The following UGGT2 variants were observed in gnomAD, a reference collection of about 807,000 sequenced individuals.
The protein encoded by UGGT2 is UDP-glucose glycoprotein glucosyltransferase 2.
UGGT2 carries 180 observed loss-of-function variants against 192.1 expected under a neutral mutation model. The ratio of observed to expected loss-of-function variants is 0.94; its 90% CI spans 0.83 to 1.06. UGGT2 has a LOEUF of 1.06. Ranked by LOEUF, UGGT2 falls within the 50% of genes least tolerant of loss-of-function variation. The pLI is 0.00. For missense variants in UGGT2, 1,849 were observed against 1,795.7 expected (o/e 1.03, Z -0.54); for synonymous variants, 580 against 591.0 (o/e 0.98, Z 0.27).
rs1934817244 is a variant in UGGT2, at chr13:95,902,845, G to C, written c.2502+9C>G. On this transcript the variant is annotated intron_variant, in intron 21 of 38. Transcript: ENST00000376747. Reference sequence around the variant, plus strand: ...ACATACATATTTAATATTTCAAATAGCTACTGACCTCAATAAGGAATGTTT... The same window carrying C: ...ACATACATATTTAATATTTCAAATACCTACTGACCTCAATAAGGAATGTTT... 3 of 1,606,876 alleles carry C rather than the reference G, an allele frequency of 1.9e-6. No homozygotes were observed. Among genetic ancestry groups the C allele is most frequent in the Non-Finnish European group, 2.6e-6 (3 of 1,176,416 alleles).
chr13:95,927,944 T>C (rs1156628567), intron 17 of UGGT2, among the ~76,000 whole-genome samples: 1 of 152,200 alleles, frequency 6.6e-6, no homozygotes, highest in East Asian at 1.9e-4. Flanking sequence ...TAACCCTTAG[T>C]GGACACAGCA....
intron 22 of UGGT2, among the ~76,000 whole-genome samples, chr13:95,897,311 A>G (rs1424485780): frequency 1.3e-5 from 2 of 152,186 alleles, no homozygotes; most frequent in Middle Eastern, 3.4e-3. Flanking sequence ...AACAAAAAAA[A>G]GACCCTGCTT....
chr13:96,048,963 T>C lies in UGGT2; in HGVS notation c.158+4192A>G, dbSNP rs981728598. 2.2e-5 allele frequency among the ~76,000 whole-genome samples: 3 copies of C among 135,616 alleles called. No homozygotes were observed. The South Asian group carries it at 6.4e-4, about 29-fold the overall frequency. 89.0% of individuals were successfully genotyped at this position (135,616 alleles called of 152,430 possible). A position where few individuals can be genotyped will look rare whatever the true frequency, so the allele number is the denominator to read the frequency against. On this transcript the variant is annotated intron_variant, in intron 1 of 38. Transcript: ENST00000376747. ...TTCCAATTGATACAAAAAAAGGGAATCCTCCCTAACTCATTTTATAAGGCC... is the reference window on the plus strand; with the variant it reads ...TTCCAATTGATACAAAAAAAGGGAACCCTCCCTAACTCATTTTATAAGGCC...
chr13:95,834,554 A>G (rs1887080606), intron 37 of UGGT2, among the ~76,000 whole-genome samples: 1 of 152,120 alleles, frequency 6.6e-6, no homozygotes, highest in African/African-American at 2.4e-5. Flanking sequence ...ATTATTAGTC[A>G]TGCTCTTTTC....
At chr13:95,951,041 C>A (rs1196261516) in intron 12 of UGGT2, among the ~76,000 whole-genome samples, 1 of 152,040 alleles carries the variant, frequency 6.6e-6, no homozygotes. Context: ...TTCAGATAAT[C>A]CAGGTATGAG....
At chr13:95,802,681 G>A (rs746244760) in intron 38 of UGGT2, among the ~76,000 whole-genome samples, 3 of 152,192 alleles carry the variant, frequency 2.0e-5, no homozygotes, top group Non-Finnish European at 4.4e-5. Flanking sequence ...AACGCCAGTG[G>A]ACAGTGAGTC....
At chr13:95,820,840 T>C (rs1358207735) in intron 38 of UGGT2, among the ~76,000 whole-genome samples, 1 of 152,128 alleles carries the variant, frequency 6.6e-6, no homozygotes, top group Non-Finnish European at 1.5e-5. Context: ...CACTTATAAA[T>C]GAGAACATAC....
chr13:95,845,345 C>T (rs1243321688), intron 36 of UGGT2, among the ~76,000 whole-genome samples: 2 of 114,398 alleles, frequency 1.7e-5, no homozygotes, highest in African/African-American at 6.0e-5. Flanking sequence ...TGTTTGTGTC[C>T]CTGGGTACTT....
intron 24 of UGGT2, among the ~76,000 whole-genome samples, chr13:95,893,623 G>A (rs904876749): frequency 3.9e-5 from 6 of 152,182 alleles, no homozygotes; most frequent in African/African-American, 7.2e-5. Context: ...AAATTTAACC[G>A]TATTTATATT....
At chr13:95,929,689 CACT>C (rs1349290403) in intron 17 of UGGT2, among the ~76,000 whole-genome samples, 11 of 152,216 alleles carry the variant, frequency 7.2e-5, no homozygotes, top group Non-Finnish European at 1.3e-4. Flanking sequence ...ACCAATCCAC[CACT>C]GATGGACACC....
intron 21 of UGGT2, among the ~76,000 whole-genome samples, chr13:95,901,917 T>C (rs1566662346): frequency 6.6e-6 from 1 of 152,124 alleles, no homozygotes; most frequent in African/African-American, 2.4e-5. Context: ...ATTTATTCAC[T>C]GTCTATCATC....
chr13:95,848,591 A>G (rs1360297170), intron 36 of UGGT2, among the ~76,000 whole-genome samples: 1 of 152,084 alleles, frequency 6.6e-6, no homozygotes, highest in African/African-American at 2.4e-5. Flanking sequence ...TTGGGTGACT[A>G]TATTTATGTG....
intron 12 of UGGT2, among the ~76,000 whole-genome samples, chr13:95,951,544 C>CA (rs1329383731): frequency 6.6e-6 from 1 of 152,206 alleles, no homozygotes; most frequent in African/African-American, 2.4e-5. Flanking sequence ...ACAGAGCCTT[C>CA]AAGCAGTGCC....
chr13:95,846,987 G>T, intron 36 of UGGT2, among the ~76,000 whole-genome samples: 1 of 146,622 alleles, frequency 6.8e-6, no homozygotes, highest in African/African-American at 2.5e-5. Context: ...CGGTTTTGTT[G>T]ATTTTCTCAA....
rs1891785210 is a variant in UGGT2, at chr13:95,877,271, T to C, written c.3473+8A>G. 1 of 1,581,164 alleles carries C rather than the reference T, an allele frequency of 6.3e-7. No individual in the cohort carries two copies. The highest frequency in any genetic ancestry group is 1.4e-5 in the African/African-American group (1 of 73,118). On this transcript the variant is annotated splice_region_variant and intron_variant, in intron 29 of 38. Transcript: ENST00000376747. ...TGTAAAAATTTAAAAGCAGCCTGCATAACTCACCCAACTATTTGATAAATA... is the reference window on the plus strand; with the variant it reads ...TGTAAAAATTTAAAAGCAGCCTGCACAACTCACCCAACTATTTGATAAATA...
In UGGT2 at chr13:96,013,424, T is replaced by C. The variant is rs764278616; in HGVS notation, c.543A>G (p.Leu181=). ...DHKFPTNKEN[L]PVVILYAEMG... Reference sequence around the variant, plus strand: ...TTTCGGCATAGAGAATCACCACTGGTAAGTTCTCTTTGTTTGTAGGAAATT... The same window carrying C: ...TTTCGGCATAGAGAATCACCACTGGCAAGTTCTCTTTGTTTGTAGGAAATT... The change falls in exon 5 of 39, where the codon TTA becomes TTG. Residue 181 remains leucine, a synonymous_variant. Coordinates refer to ENST00000376747, the MANE Select transcript of UGGT2 (RefSeq NM_020121.4). The C allele has an allele frequency of 6.2e-7, 1 of 1,606,308 alleles. No individual in the cohort carries two copies. The highest frequency in any genetic ancestry group is 2.2e-5 in the East Asian group (1 of 44,576).
At chr13:95,877,999 T>C (rs192013973) in intron 27 of UGGT2, 143 bp from the exon 28 acceptor site, 1 of 817,786 alleles carries the variant, frequency 1.2e-6, no homozygotes, top group Admixed American at 3.1e-5. Context: ...CATGAGTGAA[T>C]TCATGAGTTG....
At position 95,832,890 on chromosome 13, in the gene UGGT2, C is replaced by CGCAT. The variant is rs1463685285; in HGVS notation, c.4528+33_4528+36dup. The CGCAT allele has an allele frequency of 6.2e-6, 10 of 1,605,986 alleles. No homozygotes were observed. The East Asian group carries it at 2.0e-4, about 32-fold the overall frequency. ...GTCTATTCTAATCTCATTAATGCAA[C>CGCAT]GCATGTTTCAGACATCACAACACGT... On this transcript the variant is annotated intron_variant, in intron 38 of 38. Coordinates refer to ENST00000376747, the MANE Select transcript of UGGT2 (RefSeq NM_020121.4).
At chr13:95,818,720 T>C (rs1427803577) in intron 38 of UGGT2, among the ~76,000 whole-genome samples, 1 of 152,100 alleles carries the variant, frequency 6.6e-6, no homozygotes, top group African/African-American at 2.4e-5. Flanking sequence ...GAGAGAAAGC[T>C]AATCAAGGCT....
Sources: gnomAD v4.1 joint callset for allele counts (sites outside exome capture counted in the v4.1 genomes callset) on GRCh38, gnomAD v4.1.1 for gene constraint, MANE v1.5 for transcripts, NCBI Gene and HGNC (gene_info 2026-07-23, HGNC 2026-07-21) for gene names.